Variants in SEH1L observed in about 807,000 individuals in gnomAD.
SEH1L encodes SEH1 like nucleoporin.
Under a neutral mutation model 49.5 loss-of-function variants are expected in SEH1L, and 18 were observed. The observed-to-expected ratio is 0.36, with a 90% CI of 0.25 to 0.54. SEH1L has a LOEUF of 0.54. SEH1L is among the 20% of genes least tolerant of loss of function. The probability of loss-of-function intolerance (pLI) is 0.87; values close to 1 mark genes in which losing one functional copy is unlikely to be tolerated. For missense variants in SEH1L, 404 were observed against 528.8 expected (o/e 0.76, Z 2.31); for synonymous variants, 169 against 178.1 (o/e 0.95, Z 0.41).
chr18:12,956,007 T>C (rs2030830077), intron 3 of SEH1L, among the ~76,000 whole-genome samples: 2 of 125,768 alleles, frequency 1.6e-5, no homozygotes, highest in South Asian at 5.0e-4. Flanking sequence ...TCTAAAATTC[T>C]TTTTTTTTTT....
intron 1 of SEH1L, among the ~76,000 whole-genome samples, chr18:12,949,455 T>TG (rs1246851755): frequency 9.0e-5 from 11 of 122,220 alleles, no homozygotes; most frequent in Non-Finnish European, 1.2e-4. Context: ...TTTTTTTTTT[T>TG]TTTTTTTTTT....
At chr18:12,962,808 C>G (rs1476049060) in intron 3 of SEH1L, among the ~76,000 whole-genome samples, 2 of 151,862 alleles carry the variant, frequency 1.3e-5, no homozygotes, top group African/African-American at 4.8e-5. Flanking sequence ...TTGCAGCATG[C>G]TTTGTGTGAC....
chr18:12,955,314 G>C, intron 2 of SEH1L, 149 bp from the exon 3 acceptor site: 1 of 623,236 alleles, frequency 1.6e-6, no homozygotes, highest in Non-Finnish European at 2.6e-6. Flanking sequence ...ATGTTATGTT[G>C]ATCAGTTTTC....
intron 7 of SEH1L, 130 bp from the exon 8 acceptor site, chr18:12,983,910 A>T (rs2032367542): frequency 1.7e-6 from 1 of 586,864 alleles, no homozygotes; most frequent in African/African-American, 1.9e-5. Context: ...TTTAATGTTT[A>T]TCCTGAAAGA....
intron 8 of SEH1L, chr18:12,986,642 A>G: frequency 8.4e-7 from 1 of 1,188,180 alleles, no homozygotes; most frequent in East Asian, 3.6e-5. Context: ...TCAAGTTTCT[A>G]TACTTGCTTA....
chr18:12,950,820 G>T (rs1467482520), intron 1 of SEH1L, among the ~76,000 whole-genome samples: 1 of 152,022 alleles, frequency 6.6e-6, no homozygotes, highest in Non-Finnish European at 1.5e-5. Context: ...GGGTAATAAG[G>T]TTTAATTTTT....
intron 3 of SEH1L, among the ~76,000 whole-genome samples, chr18:12,958,740 C>A (rs2031025988): frequency 6.6e-6 from 1 of 152,064 alleles, no homozygotes; most frequent in South Asian, 2.1e-4. Flanking sequence ...TTTGTTTATC[C>A]ATTCATTTGT....
intron 3 of SEH1L, among the ~76,000 whole-genome samples, chr18:12,962,112 G>A (rs1253898185): frequency 1.3e-5 from 2 of 152,054 alleles, no homozygotes; most frequent in Non-Finnish European, 2.9e-5. Context: ...AAAGTGCATG[G>A]TAGCTGGGTG....
chr18:12,969,746 GC>G (rs2031615227), intron 4 of SEH1L, among the ~76,000 whole-genome samples: 1 of 150,766 alleles, frequency 6.6e-6, no homozygotes, highest in Non-Finnish European at 1.5e-5. Flanking sequence ...GAAGTTTGTG[GC>G]CAGGTGTGGT....
chr18:12,975,616 G>A, intron 5 of SEH1L: 1 of 742,850 alleles, frequency 1.3e-6, no homozygotes, highest in Non-Finnish European at 1.6e-6. Context: ...GGGAGGGGCA[G>A]GCCAACAGGC....
Position 12,955,534 on chromosome 18 carries a change from T to C in SEH1L, c.234T>C (p.Ser78=), listed in dbSNP as rs2030801036. 1.9e-6 allele frequency: 3 copies of C among 1,614,118 alleles called. No individual in the cohort carries two copies. Among genetic ancestry groups the C allele is most frequent in the Non-Finnish European group, 2.5e-6 (3 of 1,180,000 alleles). Reference sequence around the variant, plus strand: ...TTGGGCAGGTTTTGGCTTCCTGTTCTTTTGACCGAACAGCTGCTGTATGGG... The same window carrying C: ...TTGGGCAGGTTTTGGCTTCCTGTTCCTTTGACCGAACAGCTGCTGTATGGG... The part of the protein sequence containing the change: ...PEFGQVLASC[S]FDRTAAVWEE... The change falls in exon 3 of 9, where the codon TCT becomes TCC. Residue 78 remains serine (S), a synonymous_variant. Transcript: ENST00000399892.
At chr18:12,960,939 A>T (rs1015948262) in intron 3 of SEH1L, among the ~76,000 whole-genome samples, 1 of 152,194 alleles carries the variant, frequency 6.6e-6, no homozygotes, top group African/African-American at 2.4e-5. Context: ...TTGTTAAAAA[A>T]TTTTACAGCA....
chr18:12,978,914 G>A, intron 6 of SEH1L, 22 bp downstream of exon 6: 1 of 1,609,782 alleles, frequency 6.2e-7, no homozygotes, highest in Non-Finnish European at 8.5e-7. Context: ...AAGCATTTAT[G>A]AATTTGAAAA....
chr18:12,986,576 T>A, intron 8 of SEH1L: 1 of 975,762 alleles, frequency 1.0e-6, no homozygotes, highest in Non-Finnish European at 1.2e-6. Flanking sequence ...AATGTTTTTC[T>A]TTGTAACATT....
At chr18:12,979,219 T>TC (rs2032057774) in intron 6 of SEH1L, among the ~76,000 whole-genome samples, 4 of 148,694 alleles carry the variant, frequency 2.7e-5, no homozygotes, top group African/African-American at 1.0e-4. Context: ...CCTGCGGCCT[T>TC]CTGCAGTGTT....
intron 8 of SEH1L, 160 bp downstream of exon 8, chr18:12,984,350 GCTTA>G (rs1568233157): frequency 5.2e-6 from 4 of 763,540 alleles, no homozygotes; most frequent in Non-Finnish European, 8.5e-6. Flanking sequence ...TATGTATTTG[GCTTA>G]CTTGGTCATA....
At position 12,963,254 on chromosome 18, in the gene SEH1L, C is replaced by T; in HGVS notation, c.404C>T (p.Ala135Val). The T allele has an allele frequency of 1.9e-6, 3 of 1,614,024 alleles. No homozygotes were observed. The highest frequency in any genetic ancestry group is 2.5e-6 in the Non-Finnish European group (3 of 1,179,952). The change falls in exon 4 of 9, where the codon GCA becomes GTA. Residue 135 changes from alanine (A) to valine (V), a missense_variant. Ala to Val is a moderately conservative substitution (Grantham distance 64). This residue lies in a region of SEH1L where 342 missense variants were observed against 430.8 expected (regional missense o/e 0.79). Coordinates refer to ENST00000399892, the MANE Select transcript of SEH1L (RefSeq NM_001013437.2). Reference sequence around the variant, plus strand: ...GGTCTTATGTTAGCAACCTGTTCCGCAGATGGTATAGTAAGAATCTATGAG... The same window carrying T: ...GGTCTTATGTTAGCAACCTGTTCCGTAGATGGTATAGTAAGAATCTATGAG... ...HMGLMLATCS[A>V]DGIVRIYEAP...
intron 4 of SEH1L, among the ~76,000 whole-genome samples, chr18:12,964,895 TC>T: frequency 6.6e-6 from 1 of 151,628 alleles, no homozygotes; most frequent in African/African-American, 2.4e-5. Flanking sequence ...CGCCTTGGCC[TC>T]CCAAAGTTCT....
chr18:12,974,014 T>G (rs1024245380), intron 5 of SEH1L: 1 of 152,188 alleles, frequency 6.6e-6, no homozygotes, highest in East Asian at 1.9e-4. Flanking sequence ...CAGCCATGCC[T>G]TAGCTGCAAG....
Sources: allele counts gnomAD v4.1 joint callset (sites outside exome capture counted in the v4.1 genomes callset), GRCh38; gene constraint gnomAD v4.1.1; regional missense constraint gnomAD v4.1.1; transcripts MANE v1.5; gene names NCBI Gene and HGNC (gene_info 2026-07-23, HGNC 2026-07-21).